SORCS2: variants seen among roughly 807,000 people sequenced by gnomAD.
The protein encoded by SORCS2 is VPS10 domain-containing receptor SorCS2.
A neutral mutation model predicts 141.6 loss-of-function variants in SORCS2; 100 were observed. That is an observed-to-expected ratio of 0.71 (90% CI 0.60 to 0.83). The LOEUF (loss-of-function observed/expected upper bound fraction) is 0.83. Among genes scored for constraint, SORCS2 ranks in the 40% least tolerant of loss-of-function variants. The pLI, the probability that SORCS2 is intolerant of heterozygous loss-of-function variation, is 0.00. For synonymous variants in SORCS2, 789 were observed against 676.9 expected (o/e 1.17, Z -2.57); for missense variants, 1,646 against 1,560.2 (o/e 1.05, Z -0.93).
intron 11 of SORCS2, among the ~76,000 whole-genome samples, chr4:7,695,450 G>A (rs1265391655): frequency 1.4e-5 from 1 of 73,062 alleles, no homozygotes; most frequent in Non-Finnish European, 2.7e-5. Flanking sequence ...GTGGGTGGGT[G>A]GGTGGATGGT....
chr4:7,358,100 G>A (rs921153775), intron 1 of SORCS2, among the ~76,000 whole-genome samples: 1 of 152,204 alleles, frequency 6.6e-6, no homozygotes, highest in African/African-American at 2.4e-5. Context: ...TCTCATGGAT[G>A]CGGAATCTGT....
intron 2 of SORCS2, among the ~76,000 whole-genome samples, chr4:7,458,309 C>A (rs1647982558): frequency 6.6e-6 from 1 of 152,066 alleles, no homozygotes. Flanking sequence ...TAGGGAGACA[C>A]TGAGGGTTGT....
chr4:7,367,106 G>A (rs1249495220), intron 1 of SORCS2, among the ~76,000 whole-genome samples: 2 of 152,184 alleles, frequency 1.3e-5, no homozygotes, highest in South Asian at 2.1e-4. Flanking sequence ...CCAAAGGGGA[G>A]CCCCGTGATG....
chr4:7,469,710 G>A (rs115728770), intron 2 of SORCS2, among the ~76,000 whole-genome samples: 1,666 of 152,348 alleles, frequency 0.011, 18 homozygotes, highest in Middle Eastern at 0.02. Context: ...TTGGATTGGA[G>A]TGGAGCTCCT....
chr4:7,346,712 A>G (rs777084787), intron 1 of SORCS2, among the ~76,000 whole-genome samples: 1 of 152,186 alleles, frequency 6.6e-6, no homozygotes, highest in Non-Finnish European at 1.5e-5. Context: ...CTTTAGGGCT[A>G]TGTTGTTAGG....
At chr4:7,241,718 GT>G (rs1240965708) in intron 1 of SORCS2, among the ~76,000 whole-genome samples, 1 of 152,184 alleles carries the variant, frequency 6.6e-6, no homozygotes, top group African/African-American at 2.4e-5. Flanking sequence ...GGTTAAGGTG[GT>G]TTTCATTTTC....
chr4:7,444,048 G>A (rs552101767), intron 2 of SORCS2, among the ~76,000 whole-genome samples: 3 of 152,350 alleles, frequency 2.0e-5, no homozygotes, highest in East Asian at 3.9e-4. Context: ...GTTGAGGGCT[G>A]GTGAAATAGG....
At chr4:7,465,370 G>A (rs1027679930) in intron 2 of SORCS2, among the ~76,000 whole-genome samples, 3 of 152,204 alleles carry the variant, frequency 2.0e-5, no homozygotes, top group African/African-American at 7.2e-5. Context: ...TAAAATATGT[G>A]GTATTCGGGC....
chr4:7,575,008 G>A (rs13149527), intron 3 of SORCS2, among the ~76,000 whole-genome samples: 43,620 of 152,132 alleles, frequency 0.29, 7,347 homozygotes, highest in East Asian at 0.71. Context: ...GGGACAGAGA[G>A]ATATCTTCAG....
chr4:7,459,527 G>A (rs1395177725), intron 2 of SORCS2, among the ~76,000 whole-genome samples: 1 of 152,156 alleles, frequency 6.6e-6, no homozygotes, highest in Non-Finnish European at 1.5e-5. Context: ...TGATGGCCGG[G>A]CCCCATGGTG....
chr4:7,691,715 C>A (rs1724266867), intron 11 of SORCS2, among the ~76,000 whole-genome samples: 1 of 152,108 alleles, frequency 6.6e-6, no homozygotes, highest in South Asian at 2.1e-4. Flanking sequence ...TTAGACACCC[C>A]CAATCCTGTA....
chr4:7,634,529 A>G (rs1046700462), intron 3 of SORCS2, among the ~76,000 whole-genome samples: 8 of 152,240 alleles, frequency 5.3e-5, no homozygotes, highest in African/African-American at 1.9e-4. Context: ...TATAAAATAA[A>G]TATTTATTAG....
Position 7,233,732 on chromosome 4 carries a change from C to T in SORCS2, c.480+40606C>T, listed in dbSNP as rs562449244. On this transcript the variant is annotated intron_variant, in intron 1 of 26. Transcript: ENST00000507866. The surrounding 1 kb of genome is among the most constrained non-coding windows in gnomAD (Gnocchi z 4.5). ...GAGCCAGGCCATCCTGCATCTGAGT[C>T]CTGTCTCTGGCTCTGCCCACCTGGG... Among the ~76,000 whole-genome samples the T allele has an allele frequency of 1.9e-3, 289 of 152,290 alleles. 3 individuals carry two copies. The highest frequency in any genetic ancestry group is 6.7e-3 in the African/African-American group (280 of 41,544).
At chr4:7,673,421 G>A (rs1722908411) in intron 8 of SORCS2, among the ~76,000 whole-genome samples, 2 of 152,224 alleles carry the variant, frequency 1.3e-5, no homozygotes, top group African/African-American at 4.8e-5. Flanking sequence ...CCGTAGGGAA[G>A]CAGCTCAGTG....
intron 1 of SORCS2, among the ~76,000 whole-genome samples, chr4:7,248,632 G>A (rs1713287383): frequency 6.6e-6 from 1 of 152,248 alleles, no homozygotes; most frequent in Non-Finnish European, 1.5e-5. Flanking sequence ...TGAAAGGACA[G>A]AATTTGACTA....
At chr4:7,484,073 C>G (rs1487532957) in intron 2 of SORCS2, among the ~76,000 whole-genome samples, 1 of 152,206 alleles carries the variant, frequency 6.6e-6, no homozygotes, top group African/African-American at 2.4e-5. Context: ...TTTTACCTCT[C>G]TTTGCTTGCC....
chr4:7,555,460 G>A (rs184550047), intron 3 of SORCS2, among the ~76,000 whole-genome samples: 191 of 152,320 alleles, frequency 1.3e-3, no homozygotes, highest in African/African-American at 4.3e-3. Flanking sequence ...GAATGAGGAG[G>A]CATCTGAGAC....
At chr4:7,641,834 ATGGG>A (rs1382436724) in intron 4 of SORCS2, among the ~76,000 whole-genome samples, 3 of 31,232 alleles carry the variant, frequency 9.6e-5, no homozygotes, top group East Asian at 0.014. Flanking sequence ...GGATGGATGG[ATGGG>A]TGGATGGGGA....
chr4:7,362,151 G>A (rs751499399), intron 1 of SORCS2, among the ~76,000 whole-genome samples: 8 of 152,112 alleles, frequency 5.3e-5, no homozygotes, highest in Non-Finnish European at 8.8e-5. Flanking sequence ...GCAGGGGGCT[G>A]TGAGAGAACA....
Sources: allele counts gnomAD v4.1 joint callset (sites outside exome capture counted in the v4.1 genomes callset), GRCh38; gene constraint gnomAD v4.1.1; non-coding constraint Gnocchi (gnomAD v3.1); transcripts MANE v1.5; gene names NCBI Gene and HGNC (gene_info 2026-07-23, HGNC 2026-07-21).